Variants in TRPS1 observed in about 807,000 individuals in gnomAD.
TRPS1 encodes the protein zinc finger transcription factor Trps1.
Under a neutral mutation model 101.2 loss-of-function variants are expected in TRPS1, and 6 were observed. The observed-to-expected ratio is 0.06, with a 90% CI of 0.03 to 0.12. TRPS1 has a LOEUF of 0.12. Ranked by LOEUF, TRPS1 falls within the 10% of genes least tolerant of loss-of-function variation. The probability of loss-of-function intolerance (pLI) is 1.00; values close to 1 mark genes in which losing one functional copy is unlikely to be tolerated. For synonymous variants in TRPS1, 578 were observed against 589.8 expected (o/e 0.98, Z 0.29); for missense variants, 1,363 against 1,567.0 (o/e 0.87, Z 2.20).
intron 1 of TRPS1, among the ~76,000 whole-genome samples, chr8:115,625,871 A>G (rs1225811699): frequency 6.6e-6 from 1 of 151,912 alleles, no homozygotes; most frequent in East Asian, 1.9e-4. Context: ...TATAAGTAAC[A>G]GTTCTTATTT....
In TRPS1 at chr8:115,551,440, A is replaced by G. The variant is rs138818950; in HGVS notation, c.2700+35561T>C. On this transcript the variant is annotated intron_variant, in intron 5 of 6. Transcript: ENST00000395715. ...TTTCCTCTGGCCTTCTCGGGAGCCA[A>G]TGCTTGTATACTGTATGTGGTTTAG... is the stretch of plus-strand genomic sequence containing the variant. Among the ~76,000 whole-genome samples the G allele has an allele frequency of 2.2e-3, 333 of 152,268 alleles. 1 individual carries two copies. Among genetic ancestry groups the G allele is most frequent in the African/African-American group, 7.6e-3 (316 of 41,554 alleles).
At chr8:115,628,083 A>C (rs982157109) in intron 1 of TRPS1, among the ~76,000 whole-genome samples, 2 of 151,950 alleles carry the variant, frequency 1.3e-5, no homozygotes, top group African/African-American at 2.4e-5. Flanking sequence ...GTGCATGTGC[A>C]TGTGTGTGTA....
intron 5 of TRPS1, among the ~76,000 whole-genome samples, chr8:115,515,572 TTGA>T (rs1396901310): frequency 3.2e-5 from 3 of 92,552 alleles, no homozygotes; most frequent in Admixed American, 2.7e-4. Flanking sequence ...GTATTTCATG[TTGA>T]TAAGACATTA....
intron 1 of TRPS1, among the ~76,000 whole-genome samples, chr8:115,654,236 A>AG (rs917605735): frequency 0.14 from 17 of 120 alleles, no homozygotes; most frequent in African/African-American, 0.29. Context: ...TGGAAAGTTG[A>AG]GAAATTTAAA....
intron 5 of TRPS1, among the ~76,000 whole-genome samples, chr8:115,490,459 T>G (rs1814993414): frequency 6.6e-6 from 1 of 152,204 alleles, no homozygotes; most frequent in Admixed American, 6.5e-5. Flanking sequence ...TAATTTTGCA[T>G]GCTTGCAAAA....
intron 5 of TRPS1, among the ~76,000 whole-genome samples, chr8:115,503,198 G>T (rs1815360540): frequency 6.6e-6 from 1 of 150,546 alleles, no homozygotes; most frequent in Non-Finnish European, 1.5e-5. Flanking sequence ...AGCTTGCAGT[G>T]AGCCGAGATC....
rs536917954 is a variant in TRPS1, at chr8:115,609,595, A to G, written c.967-4593T>C. Among the ~76,000 whole-genome samples the G allele has an allele frequency of 4.6e-5, 7 of 152,284 alleles. No individual in the cohort carries two copies. The East Asian group carries it at 1.2e-3, about 25-fold the overall frequency. ...ACCCTCACCACTGACTTGACCTGGC[A>G]TACATGGCCTTCTTCAAGAAACTAC... is the stretch of plus-strand genomic sequence containing the variant. On this transcript the variant is annotated intron_variant, in intron 3 of 6. Coordinates refer to ENST00000395715, the MANE Select transcript of TRPS1 (RefSeq NM_014112.5).
At chr8:115,653,513 C>A (rs1811610320) in intron 1 of TRPS1, among the ~76,000 whole-genome samples, 1 of 152,210 alleles carries the variant, frequency 6.6e-6, no homozygotes, top group South Asian at 2.1e-4. Flanking sequence ...TGTCAAAGAT[C>A]ATTCTATAGT....
chr8:115,660,952 T>C (rs141293557), intron 1 of TRPS1, among the ~76,000 whole-genome samples: 1 of 152,082 alleles, frequency 6.6e-6, no homozygotes, highest in Admixed American at 6.6e-5. Flanking sequence ...GAAAAATGCA[T>C]TGGGTCATAG....
intron 5 of TRPS1, among the ~76,000 whole-genome samples, chr8:115,509,958 G>A (rs1815541383): frequency 6.6e-6 from 1 of 151,940 alleles, no homozygotes; most frequent in African/African-American, 2.4e-5. Flanking sequence ...ATTGCAGTAG[G>A]ATTAACCTGC....
chr8:115,572,270 T>G (rs182487713), intron 5 of TRPS1, among the ~76,000 whole-genome samples: 4 of 152,156 alleles, frequency 2.6e-5, no homozygotes, highest in Admixed American at 2.0e-4. Flanking sequence ...AGATTTTTAG[T>G]TGGAGTGAAA....
intron 5 of TRPS1, among the ~76,000 whole-genome samples, chr8:115,506,721 T>C: frequency 6.6e-6 from 1 of 152,120 alleles, no homozygotes; most frequent in East Asian, 1.9e-4. Context: ...AACTAACTAG[T>C]GTTCATACAA....
At chr8:115,544,894 C>T (rs867156496) in intron 5 of TRPS1, among the ~76,000 whole-genome samples, 1 of 148,056 alleles carries the variant, frequency 6.8e-6, no homozygotes, top group South Asian at 2.2e-4. Flanking sequence ...AGAAAAAAAG[C>T]AAGATATAAC....
rs941426340 is a variant in TRPS1 at position 115,418,849 on chromosome 8, T to G, written c.2701-397A>C. Among the ~76,000 whole-genome samples the G allele has an allele frequency of 6.6e-6, 1 of 152,212 alleles. No homozygotes were observed. The highest frequency in any genetic ancestry group is 2.4e-5 in the African/African-American group (1 of 41,460). On this transcript the variant is annotated intron_variant, in intron 5 of 6. Transcript: ENST00000395715. This position sits in a 1 kb window ranked among gnomAD's most constrained non-coding sequence, Gnocchi z 4.3. ...AGGAGGAGCACATGCTACCTGAGCT[T>G]TAAAATATAGTCAAGTTTGGAATAA...
At chr8:115,648,464 C>T (rs1811477286) in intron 1 of TRPS1, among the ~76,000 whole-genome samples, 1 of 152,300 alleles carries the variant, frequency 6.6e-6, no homozygotes, top group East Asian at 1.9e-4. Context: ...CGAGAGCGAA[C>T]GCCAGCGACA....
At chr8:115,645,017 A>G (rs899228267) in intron 1 of TRPS1, among the ~76,000 whole-genome samples, 1 of 152,206 alleles carries the variant, frequency 6.6e-6, no homozygotes, top group African/African-American at 2.4e-5. Context: ...CAGATATAAT[A>G]TAATAACAAT....
chr8:115,415,189 G>C (rs1287700960), intron 6 of TRPS1, 105 bp from the exon 7 acceptor site: 1 of 1,225,716 alleles, frequency 8.2e-7, no homozygotes, highest in Non-Finnish European at 1.1e-6. Flanking sequence ...TCAAAGCAGG[G>C]ATAGGCTTTC....
chr8:115,509,727 G>A (rs1815535075), intron 5 of TRPS1: 2 of 152,114 alleles, frequency 1.3e-5, no homozygotes, highest in Admixed American at 6.6e-5. Context: ...TGAGCTCGAC[G>A]TGAGTGATTC....
At chr8:115,627,703 G>C (rs918512465) in intron 1 of TRPS1, among the ~76,000 whole-genome samples, 4 of 151,764 alleles carry the variant, frequency 2.6e-5, no homozygotes, top group Non-Finnish European at 5.9e-5. Context: ...ATATTTTTAT[G>C]TACTAATGTT....
Sources: gnomAD v4.1 joint callset for allele counts (sites outside exome capture counted in the v4.1 genomes callset) on GRCh38, gnomAD v4.1.1 for gene constraint, Gnocchi (gnomAD v3.1) non-coding constraint, MANE v1.5 for transcripts, NCBI Gene and HGNC (gene_info 2026-07-23, HGNC 2026-07-21) for gene names.